CLTCL1: variants seen among roughly 807,000 people sequenced by gnomAD.
CLTCL1 encodes clathrin heavy chain 2.
A neutral mutation model predicts 190.0 loss-of-function variants in CLTCL1; 159 were observed. That is an observed-to-expected ratio of 0.84 (90% CI 0.74 to 0.95). The LOEUF is 0.95. Ranked by LOEUF, CLTCL1 falls within the 40% of genes least tolerant of loss-of-function variation. The pLI is 0.00. For synonymous variants in CLTCL1, 752 were observed against 769.6 expected (o/e 0.98, Z 0.38); for missense variants, 1,878 against 2,033.4 (o/e 0.92, Z 1.47).
rs781901964 is a variant in CLTCL1 at position 19,277,744 on chromosome 22, GT to G, written c.43-1915del. Among the ~76,000 whole-genome samples, 4 of 152,338 alleles carry G rather than the reference GT, an allele frequency of 2.6e-5. No individual in the cohort carries two copies. In the South Asian group the frequency reaches 6.2e-4, roughly 24 times the overall value. On this transcript the variant is annotated intron_variant, in intron 1 of 32. Coordinates refer to ENST00000427926, the MANE Select transcript of CLTCL1 (RefSeq NM_007098.4). ...CAACACAAGACTGCCAACGCCAGAT[GT>G]GGGGGGGTTTCTCCAGCAGACACCA...
intron 3 of CLTCL1, among the ~76,000 whole-genome samples, chr22:19,249,538 CA>C (rs1288243360): frequency 1.3e-5 from 2 of 150,706 alleles, no homozygotes; most frequent in Non-Finnish European, 3.0e-5. Flanking sequence ...ACTAAAAACA[CA>C]AAAAAAATTA....
chr22:19,199,483 A>G (rs936485097), intron 24 of CLTCL1, among the ~76,000 whole-genome samples: 4 of 152,192 alleles, frequency 2.6e-5, no homozygotes, highest in African/African-American at 9.7e-5. Context: ...AGGCCCAATA[A>G]CACAAGAGGA....
At chr22:19,199,595 A>C in intron 24 of CLTCL1, 139 bp downstream of exon 24, 1 of 572,596 alleles carries the variant, frequency 1.7e-6, no homozygotes, top group East Asian at 3.0e-5. Flanking sequence ...TAACACATGA[A>C]TCTTCCCCTC....
chr22:19,197,199 T>G (rs1358811028), intron 24 of CLTCL1, among the ~76,000 whole-genome samples: 7 of 152,192 alleles, frequency 4.6e-5, no homozygotes, highest in Admixed American at 4.6e-4. Context: ...CCCAGCCATG[T>G]GACCCTTTCC....
chr22:19,226,156 G>C, intron 12 of CLTCL1, 63 bp downstream of exon 12: 1 of 1,546,554 alleles, frequency 6.5e-7, no homozygotes, highest in Admixed American at 1.8e-5. Flanking sequence ...GAACACTGGG[G>C]AGCATGTGAC....
intron 1 of CLTCL1, among the ~76,000 whole-genome samples, chr22:19,288,695 C>T (rs565049988): frequency 5.3e-5 from 8 of 152,322 alleles, no homozygotes; most frequent in Non-Finnish European, 1.0e-4. Context: ...AGTGAAACTG[C>T]GAAAACACTC....
intron 18 of CLTCL1, 54 bp downstream of exon 18, chr22:19,219,831 G>A: frequency 6.2e-7 from 1 of 1,605,580 alleles, no homozygotes; most frequent in South Asian, 1.1e-5. Context: ...GAGCCACAAT[G>A]ATGATCGGAC....
chr22:19,274,764 T>C (rs1252667360), intron 2 of CLTCL1, among the ~76,000 whole-genome samples: 4 of 151,242 alleles, frequency 2.6e-5, no homozygotes, highest in African/African-American at 9.7e-5. Flanking sequence ...ATTTTTGCTC[T>C]TGTTGTCCAG....
chr22:19,186,574 A>C (rs2084322012), intron 29 of CLTCL1, among the ~76,000 whole-genome samples: 1 of 150,828 alleles, frequency 6.6e-6, no homozygotes, highest in African/African-American at 2.4e-5. Flanking sequence ...TTTGAAACAA[A>C]TGTTTTGAAT....
intron 31 of CLTCL1, 121 bp downstream of exon 31, chr22:19,180,610 C>T: frequency 1.1e-6 from 1 of 938,166 alleles, no homozygotes; most frequent in Non-Finnish European, 1.7e-6. Flanking sequence ...CACTGGGATC[C>T]TTCCAGCCCC....
intron 3 of CLTCL1, among the ~76,000 whole-genome samples, chr22:19,250,296 T>C (rs1482241493): frequency 6.6e-6 from 1 of 151,322 alleles, no homozygotes; most frequent in Non-Finnish European, 1.5e-5. Context: ...AAACCTGTTT[T>C]TTGGGCACAT....
Position 19,254,070 on chromosome 22 carries a change from G to C in CLTCL1, c.408C>G (p.Ser136=). The C allele has an allele frequency of 6.2e-7, 1 of 1,612,240 alleles. No individual in the cohort carries two copies. Among genetic ancestry groups the C allele is most frequent in the Non-Finnish European group, 8.5e-7 (1 of 1,179,082 alleles). The change falls in exon 3 of 33, where the codon TCC becomes TCG. Residue 136 remains serine (S), a synonymous_variant. Transcript: ENST00000427926. The stretch of plus-strand genomic sequence containing the variant: ...GTCTATCAAACATCTTCATGGGCTG[G>C]GAGTCACCTTCCATGCTCCAGTGGT... ...AVYHWSMEGD[S]QPMKMFDRHT...
intron 21 of CLTCL1, 36 bp downstream of exon 21, chr22:19,208,886 G>GAGAT: frequency 2.7e-6 from 4 of 1,506,770 alleles, no homozygotes; most frequent in Non-Finnish European, 3.6e-6. Context: ...TTGCATCAGT[G>GAGAT]AGATGCAGAG....
intron 21 of CLTCL1, 119 bp downstream of exon 21, chr22:19,208,803 C>G (rs1426667341): frequency 1.5e-5 from 12 of 804,220 alleles, no homozygotes; most frequent in Non-Finnish European, 2.3e-5. Context: ...GTAGATGTGC[C>G]CTCTGATATC....
rs372800419 is a variant in CLTCL1 at position 19,216,096 on chromosome 22, CT to C, written c.3065+14del. ...AATCTGCCTGTGTCCACAGCTACCCCTGGCATAGCCTCACCTGTGCTCGCTG... is the reference window on the plus strand; with the variant it reads ...AATCTGCCTGTGTCCACAGCTACCCCGGCATAGCCTCACCTGTGCTCGCTG... On this transcript the variant is annotated intron_variant, in intron 19 of 32. Coordinates refer to ENST00000427926, the MANE Select transcript of CLTCL1 (RefSeq NM_007098.4). 9.0e-5 allele frequency: 145 copies of C among 1,612,554 alleles called. No homozygotes were observed. In the African/African-American group the frequency reaches 1.7e-3, roughly 19 times the overall value.
chr22:19,254,216 G>C lies in CLTCL1; in HGVS notation c.262C>G (p.Leu88Val). The C allele has an allele frequency of 6.2e-7, 1 of 1,611,466 alleles. No homozygotes were observed. The highest frequency in any genetic ancestry group is 8.5e-7 in the Non-Finnish European group (1 of 1,177,732). ...TTCATCTCAATATTAAAGATCTGAA[G>C]TGTCTTCCCAGCTAGTATTTGATAT... ...KVIALKAGKT[L>V]QIFNIEMKSK... Residue 88 changes from leucine (L) to valine (V), a missense_variant, in exon 3 of 33, where the codon CTT becomes GTT. Leu to Val is a conservative substitution (Grantham distance 32). Transcript: ENST00000427926.
chr22:19,285,135 C>A (rs1380074811), intron 1 of CLTCL1, among the ~76,000 whole-genome samples: 2 of 151,392 alleles, frequency 1.3e-5, no homozygotes, highest in African/African-American at 4.9e-5. Flanking sequence ...ATTAGCTGGA[C>A]GTGGTGGTGG....
chr22:19,291,051 A>G (rs1555993082), intron 1 of CLTCL1, among the ~76,000 whole-genome samples: 2 of 152,230 alleles, frequency 1.3e-5, no homozygotes, highest in Non-Finnish European at 2.9e-5. Flanking sequence ...CAAATGGAGA[A>G]CAAACTGGGA....
In CLTCL1 at chr22:19,192,871, T is replaced by G. The variant is rs910614457; in HGVS notation, c.4192-1436A>C. On this transcript the variant is annotated intron_variant, in intron 26 of 32. Coordinates refer to ENST00000427926, the MANE Select transcript of CLTCL1 (RefSeq NM_007098.4). ...CCCCAGACTCTGCCACAGGCCACTG[T>G]GGGTCCACTCCTATTGGAGCTCTAG... 8.5e-5 allele frequency among the ~76,000 whole-genome samples: 13 copies of G among 152,312 alleles called. No homozygotes were observed. The South Asian group carries it at 2.5e-3, about 29-fold the overall frequency.
Sources: allele counts gnomAD v4.1 joint callset (sites outside exome capture counted in the v4.1 genomes callset), GRCh38; gene constraint gnomAD v4.1.1; transcripts MANE v1.5; gene names NCBI Gene and HGNC (gene_info 2026-07-23, HGNC 2026-07-21).